The following MAGI2 variants were observed in gnomAD, a reference collection of about 807,000 sequenced individuals.
The protein encoded by MAGI2 is membrane associated guanylate kinase, WW and PDZ domain containing 2.
In MAGI2, 35 loss-of-function variants were observed where a neutral mutation model predicts 133.3. The observed-to-expected ratio is 0.26, with a 90% CI of 0.20 to 0.35. The LOEUF is 0.35. Among genes scored for constraint, MAGI2 ranks in the 10% least tolerant of loss-of-function variants. The pLI is 1.00. For synonymous variants in MAGI2, 729 were observed against 710.6 expected, an observed-to-expected ratio of 1.03 and a Z score of -0.41; for missense variants, 1,636 against 1,863.4, an observed-to-expected ratio of 0.88 and a Z score of 2.25.
intron 1 of MAGI2, among the ~76,000 whole-genome samples, chr7:79,371,166 AT>A (rs1236211740): frequency 6.6e-6 from 1 of 152,018 alleles, no homozygotes; most frequent in Non-Finnish European, 1.5e-5. Flanking sequence ...ATTCCTCTAC[AT>A]TTTTTTACTT....
At chr7:78,479,582 C>A (rs1426953635) in intron 6 of MAGI2, among the ~76,000 whole-genome samples, 1 of 151,904 alleles carries the variant, frequency 6.6e-6, no homozygotes, top group Non-Finnish European at 1.5e-5. Context: ...AAGCTAAATG[C>A]ATCTGAAACC....
chr7:78,219,344 T>G (rs1219933570), intron 10 of MAGI2, among the ~76,000 whole-genome samples: 1 of 152,210 alleles, frequency 6.6e-6, no homozygotes, highest in Non-Finnish European at 1.5e-5. Flanking sequence ...AAATGCATAT[T>G]GATTGAATGG....
At chr7:78,028,447 G>C (rs191681382) in intron 21 of MAGI2, among the ~76,000 whole-genome samples, 1 of 152,308 alleles carries the variant, frequency 6.6e-6, no homozygotes, top group East Asian at 1.9e-4. Context: ...TGGATAGGTG[G>C]GGCTGTTAAC....
intron 1 of MAGI2, among the ~76,000 whole-genome samples, chr7:79,086,869 G>A (rs573667424): frequency 6.6e-6 from 1 of 151,646 alleles, no homozygotes. Context: ...TAAGGGGAAG[G>A]GTGTGGGAAT....
At chr7:78,238,655 C>T (rs1481354131) in intron 10 of MAGI2, among the ~76,000 whole-genome samples, 2 of 152,138 alleles carry the variant, frequency 1.3e-5, no homozygotes, top group South Asian at 2.1e-4. Context: ...CCACTCCTAA[C>T]CAACCTCCTC....
chr7:78,819,854 G>C (rs960198476), intron 2 of MAGI2, among the ~76,000 whole-genome samples: 2 of 152,012 alleles, frequency 1.3e-5, no homozygotes, highest in Non-Finnish European at 2.9e-5. Flanking sequence ...CCAGTAATGA[G>C]AACTGTTAGA....
chr7:78,186,443 T>A (rs1246774616), intron 12 of MAGI2, among the ~76,000 whole-genome samples: 1 of 152,194 alleles, frequency 6.6e-6, no homozygotes, highest in African/African-American at 2.4e-5. Context: ...TTCCTCCTAC[T>A]CTACATGGTG....
intron 1 of MAGI2, among the ~76,000 whole-genome samples, chr7:79,442,457 T>TGTGC (rs1391107716): frequency 1.3e-5 from 2 of 150,318 alleles, no homozygotes; most frequent in Non-Finnish European, 3.0e-5. Context: ...GAAGAGTGTG[T>TGTGC]GTGTGTGTGT....
chr7:79,001,472 A>G (rs1183221222), intron 2 of MAGI2, among the ~76,000 whole-genome samples: 1 of 152,152 alleles, frequency 6.6e-6, no homozygotes, highest in Non-Finnish European at 1.5e-5. Context: ...ATAGTGTCTA[A>G]AATTTATATC....
chr7:78,461,383 CGTGTGTGTGCGT>C (rs931249460), intron 6 of MAGI2, among the ~76,000 whole-genome samples: 5 of 92,658 alleles, frequency 5.4e-5, no homozygotes, highest in African/African-American at 2.3e-4. Flanking sequence ...TTCCTGGACA[CGTGTGTGTGCGT>C]GTGTGTGTGT....
At chr7:78,718,947 A>C (rs1490712423) in intron 2 of MAGI2, among the ~76,000 whole-genome samples, 1 of 152,134 alleles carries the variant, frequency 6.6e-6, no homozygotes, top group African/African-American at 2.4e-5. Flanking sequence ...CTGTGCTTTT[A>C]TACTTTTCAC....
intron 6 of MAGI2, among the ~76,000 whole-genome samples, chr7:78,422,991 T>C (rs775953097): frequency 1.3e-5 from 2 of 152,222 alleles, no homozygotes; most frequent in Non-Finnish European, 2.9e-5. Flanking sequence ...AAACAATTAG[T>C]TTTCCACCTA....
chr7:78,641,067 C>T (rs1365840074), intron 2 of MAGI2, among the ~76,000 whole-genome samples: 2 of 152,148 alleles, frequency 1.3e-5, no homozygotes, highest in Non-Finnish European at 2.9e-5. Flanking sequence ...ACTCATTATT[C>T]TCCTTGCTGC....
At chr7:79,337,406 A>T (rs192330539) in intron 1 of MAGI2, among the ~76,000 whole-genome samples, 29 of 152,322 alleles carry the variant, frequency 1.9e-4, no homozygotes, top group African/African-American at 6.3e-4. Flanking sequence ...CAAATTAAAT[A>T]TTGTGTGCAC....
chr7:79,212,742 T>A (rs1446559697), intron 1 of MAGI2, among the ~76,000 whole-genome samples: 2 of 152,048 alleles, frequency 1.3e-5, no homozygotes, highest in African/African-American at 4.8e-5. Context: ...TTTCTCTCAG[T>A]GATTATGTAC....
At chr7:78,360,607 T>C (rs1220887819) in intron 7 of MAGI2, among the ~76,000 whole-genome samples, 1 of 152,238 alleles carries the variant, frequency 6.6e-6, no homozygotes, top group Non-Finnish European at 1.5e-5. Context: ...CTACCTGTCA[T>C]AGAACACTGC....
At chr7:78,176,258 C>T (rs1826593220) in intron 14 of MAGI2, among the ~76,000 whole-genome samples, 1 of 152,188 alleles carries the variant, frequency 6.6e-6, no homozygotes, top group Non-Finnish European at 1.5e-5. Context: ...TCCCTCCTCT[C>T]AAAGCACCAA....
intron 2 of MAGI2, among the ~76,000 whole-genome samples, chr7:78,823,452 G>A (rs1563547416): frequency 1.3e-5 from 2 of 151,868 alleles, no homozygotes; most frequent in African/African-American, 2.4e-5. Flanking sequence ...GCGTGGTGGC[G>A]GGCGCCTGTA....
intron 2 of MAGI2, among the ~76,000 whole-genome samples, chr7:78,789,429 G>A (rs1490938235): frequency 1.3e-5 from 2 of 152,150 alleles, no homozygotes; most frequent in African/African-American, 2.4e-5. Flanking sequence ...ATCCACAGAC[G>A]ATGAATGATA....
Sources: gnomAD v4.1 joint callset for allele counts (sites outside exome capture counted in the v4.1 genomes callset) on GRCh38, gnomAD v4.1.1 for gene constraint, MANE v1.5 for transcripts, NCBI Gene and HGNC (gene_info 2026-07-23, HGNC 2026-07-21) for gene names.